CMKLR2: variants seen among roughly 807,000 people sequenced by gnomAD.
The protein encoded by CMKLR2 is chemerin chemokine-like receptor 2.
In CMKLR2, 18 loss-of-function variants were observed where a neutral mutation model predicts 23.0. The observed-to-expected ratio is 0.78, with a 90% CI of 0.54 to 1.16. The LOEUF is 1.16. Among genes scored for constraint, CMKLR2 ranks in the 50% most tolerant of loss-of-function variants. The pLI is 0.00. For missense variants in CMKLR2, 401 were observed against 412.7 expected (o/e 0.97, Z 0.25); for synonymous variants, 158 against 158.9 (o/e 0.99, Z 0.05).
Position 206,176,602 on chromosome 2 carries a change from G to C in CMKLR2, c.646C>G (p.Leu216Val). 1.2e-6 allele frequency: 2 copies of C among 1,614,186 alleles called. No individual in the cohort carries two copies. Among genetic ancestry groups the C allele is most frequent in the African/African-American group, 1.3e-5 (1 of 75,054 alleles). Residue 216 changes from leucine to valine, a missense_variant, in exon 2 of 2, where the codon CTC becomes GTC. Coordinates refer to ENST00000621141, the MANE Select transcript of CMKLR2 (RefSeq NM_001389445.1). ...ATACTCATTGTTAGCAAAGGGAAGA[G>C]ATAGCCAATGATAAATTTCACCCAA... ...LTWVKFIIGY[L>V]FPLLTMSICY...
At position 206,177,204 on chromosome 2, in the gene CMKLR2, T is replaced by C. The variant is rs755322647; in HGVS notation, c.44A>G (p.Tyr15Cys). 6.2e-7 allele frequency: 1 copy of C among 1,610,516 alleles called. No homozygotes were observed. The highest frequency in any genetic ancestry group is 1.7e-5 in the Admixed American group (1 of 59,560). ...EETLFEEFEN[Y>C]SYDLDYYSLE... ...AGAGTAATAGTCTAGGTCATAGGAA[T>C]AGTTTTCAAATTCTTCAAATAATGT... is the stretch of plus-strand genomic sequence containing the variant. The change falls in exon 2 of 2, where the codon TAT becomes TGT. Residue 15 changes from tyrosine to cysteine, a missense_variant. By Grantham distance (194) the Tyr-to-Cys change is radical (BLOSUM62 -2). Transcript: ENST00000621141.
At chr2:206,214,790 A>T (rs1574335863), upstream of CMKLR2, among the ~76,000 whole-genome samples, 1 of 149,858 alleles carries the variant, frequency 6.7e-6, no homozygotes, top group South Asian at 2.1e-4. Flanking sequence ...CGCCCGGCTA[A>T]TTTTTTTTTG....
At chr2:206,196,719 A>G (rs1688934512) in intron 1 of CMKLR2, among the ~76,000 whole-genome samples, 1 of 152,124 alleles carries the variant, frequency 6.6e-6, no homozygotes, top group South Asian at 2.1e-4. Context: ...TTATTTTAGT[A>G]CTACGTCAGA....
intron 1 of CMKLR2, among the ~76,000 whole-genome samples, chr2:206,194,744 CT>C (rs745647131): frequency 0.011 from 818 of 76,852 alleles, no homozygotes; most frequent in Non-Finnish European, 0.014. Context: ...CCATCATAGA[CT>C]TTTTTTTTTT....
intron 1 of CMKLR2, among the ~76,000 whole-genome samples, chr2:206,178,121 C>T (rs1202853607): frequency 6.6e-6 from 1 of 152,010 alleles, no homozygotes; most frequent in Non-Finnish European, 1.5e-5. Context: ...TTTAAAATAG[C>T]CAGATCTAGT....
intron 1 of CMKLR2, among the ~76,000 whole-genome samples, chr2:206,206,061 C>T (rs1221662470): frequency 6.6e-6 from 1 of 152,046 alleles, no homozygotes; most frequent in African/African-American, 2.4e-5. Context: ...TGAAATACAC[C>T]CTTCCCCATT....
At position 206,176,236 on chromosome 2, in the gene CMKLR2, C is replaced by A. The variant is rs1412111402; in HGVS notation, c.1012G>T (p.Glu338Ter). Residue 338 changes from glutamate to a stop codon, truncating the protein, a stop_gained, in exon 2 of 2, where the codon GAA becomes TAA. Coordinates refer to ENST00000621141, the MANE Select transcript of CMKLR2 (RefSeq NM_001389445.1). LOFTEE classifies it high-confidence loss of function. ...TTGGTTTCTGAGTTCCTGAGCTGTT[C>A]ACTCACTGTGCCAGAACAGCTGACT... ...WEVSCSGTVS[E>*]QLRNSETKNL... 6.2e-7 allele frequency: 1 copy of A among 1,614,166 alleles called. No homozygotes were observed. The highest frequency in any genetic ancestry group is 1.1e-5 in the South Asian group (1 of 91,080).
rs184258553 is a variant in CMKLR2 at position 206,182,109 on chromosome 2, G to A, written c.-28-4834C>T. Among the ~76,000 whole-genome samples, 9 of 152,096 alleles carry A rather than the reference G, an allele frequency of 5.9e-5. No individual in the cohort carries two copies. In the East Asian group the frequency reaches 1.7e-3, roughly 29 times the overall value. On this transcript the variant is annotated intron_variant, in intron 1 of 1. Transcript: ENST00000621141. ...GAAGATGGGTGAGTCTTGCTGTCTCGGGGTGGTAGGGGCAGAGGGAGAAAA... is the reference window on the plus strand; with the variant it reads ...GAAGATGGGTGAGTCTTGCTGTCTCAGGGTGGTAGGGGCAGAGGGAGAAAA...
At chr2:206,188,751 CAT>C (rs1471596473) in intron 1 of CMKLR2, among the ~76,000 whole-genome samples, 2 of 152,242 alleles carry the variant, frequency 1.3e-5, no homozygotes, top group African/African-American at 4.8e-5. Flanking sequence ...AATGGCAAAT[CAT>C]GTGGTTGTGG....
chr2:206,214,915 A>G (rs1389912075), upstream of CMKLR2, among the ~76,000 whole-genome samples: 2 of 152,142 alleles, frequency 1.3e-5, no homozygotes, highest in East Asian at 3.9e-4. Context: ...GTGAGCCACC[A>G]CACCTGGCCG....
At chr2:206,187,520 C>T (rs1688618888) in intron 1 of CMKLR2, among the ~76,000 whole-genome samples, 1 of 152,134 alleles carries the variant, frequency 6.6e-6, no homozygotes, top group African/African-American at 2.4e-5. Flanking sequence ...AAGCTTACTA[C>T]CTTGAGCATT....
chr2:206,212,969 A>G (rs1689624863), intron 1 of CMKLR2, among the ~76,000 whole-genome samples: 1 of 152,212 alleles, frequency 6.6e-6, no homozygotes, highest in African/African-American at 2.4e-5. Context: ...CTTAAAAGAC[A>G]GATTTATGAG....
rs755382525 is a variant in CMKLR2 at position 206,176,745 on chromosome 2, A to G, written c.503T>C (p.Ile168Thr). 4.3e-6 allele frequency: 7 copies of G among 1,614,100 alleles called. No homozygotes were observed. Among genetic ancestry groups the G allele is most frequent in the Admixed American group, 3.3e-5 (2 of 60,002 alleles). The change falls in exon 2 of 2, where the codon ATT becomes ACT. Residue 168 changes from isoleucine (I) to threonine (T), a missense_variant. Physicochemically the swap from Ile to Thr is moderately conservative, Grantham distance 89 (BLOSUM62 -1). Transcript: ENST00000621141. ...IIFIWLLASLIGGPALYFRDT... is the reference protein window; with the variant it reads ...IIFIWLLASLTGGPALYFRDT... ...CCGGAAGTACAGGGCAGGACCGCCA[A>G]TTAGAGAAGCCAAAAGCCAGATGAA...
upstream of CMKLR2, among the ~76,000 whole-genome samples, chr2:206,214,933 T>C (rs1331622265): frequency 6.6e-6 from 1 of 152,124 alleles, no homozygotes; most frequent in Non-Finnish European, 1.5e-5. Flanking sequence ...CCGCTATCTT[T>C]ATTTTTGTAT....
chr2:206,193,812 T>G (rs1268105273), intron 1 of CMKLR2, among the ~76,000 whole-genome samples: 1 of 152,204 alleles, frequency 6.6e-6, no homozygotes, highest in South Asian at 2.1e-4. Flanking sequence ...CAGGCCAAGA[T>G]AGCCTTCCAA....
intron 1 of CMKLR2, among the ~76,000 whole-genome samples, chr2:206,194,520 G>A (rs1005638939): frequency 3.4e-5 from 5 of 145,760 alleles, no homozygotes; most frequent in Non-Finnish European, 7.5e-5. Context: ...GTGCAGTGGC[G>A]TAATATGGCT....
intron 1 of CMKLR2, among the ~76,000 whole-genome samples, chr2:206,179,645 T>A (rs911312008): frequency 9.2e-5 from 14 of 152,134 alleles, no homozygotes; most frequent in Admixed American, 2.6e-4. Flanking sequence ...CCTTTTTTCT[T>A]ATCAAGACCA....
intron 1 of CMKLR2, among the ~76,000 whole-genome samples, chr2:206,182,570 G>A (rs972032069): frequency 6.6e-6 from 1 of 151,908 alleles, no homozygotes; most frequent in Non-Finnish European, 1.5e-5. Flanking sequence ...GTGAGATTTT[G>A]TGAGTTCACC....
upstream of CMKLR2, among the ~76,000 whole-genome samples, chr2:206,215,102 A>G (rs1220275184): frequency 6.6e-6 from 1 of 152,066 alleles, no homozygotes; most frequent in Non-Finnish European, 1.5e-5. Context: ...GGTCGGGGGT[A>G]GGGGGTGCAC....
Sources: gnomAD v4.1 joint callset for allele counts (sites outside exome capture counted in the v4.1 genomes callset) on GRCh38, gnomAD v4.1.1 for gene constraint, MANE v1.5 for transcripts, NCBI Gene and HGNC (gene_info 2026-07-23, HGNC 2026-07-21) for gene names.